FAM184A: variants seen among roughly 807,000 people sequenced by gnomAD.
FAM184A encodes the protein family with sequence similarity 184 member A.
A neutral mutation model predicts 143.8 loss-of-function variants in FAM184A; 99 were observed. That is an observed-to-expected ratio of 0.69 (90% CI 0.58 to 0.81). The LOEUF (loss-of-function observed/expected upper bound fraction) is 0.81. Among genes scored for constraint, FAM184A ranks in the 40% least tolerant of loss-of-function variants. The pLI, the probability that FAM184A is intolerant of heterozygous loss-of-function variation, is 0.00. For missense variants in FAM184A, 1,217 were observed against 1,310.5 expected, an observed-to-expected ratio of 0.93 and a Z score of 1.10; for synonymous variants, 427 against 446.4, an observed-to-expected ratio of 0.96 and a Z score of 0.55.
At chr6:119,146,937 G>T (rs1772458196) in intron 1 of FAM184A, among the ~76,000 whole-genome samples, 1 of 151,884 alleles carries the variant, frequency 6.6e-6, no homozygotes, top group Admixed American at 6.6e-5. Context: ...TATAGCTCTT[G>T]CCCTTTCCAC....
intron 9 of FAM184A, among the ~76,000 whole-genome samples, chr6:119,000,804 T>C (rs1784730969): frequency 6.6e-6 from 1 of 152,076 alleles, no homozygotes; most frequent in South Asian, 2.1e-4. Flanking sequence ...ACTCCTTTAA[T>C]ATCATGAATC....
chr6:119,051,093 A>G (rs1786745243), intron 1 of FAM184A, among the ~76,000 whole-genome samples: 1 of 151,896 alleles, frequency 6.6e-6, no homozygotes, highest in Admixed American at 6.6e-5. Context: ...AACACCTGTG[A>G]CATGAGATTA....
intron 1 of FAM184A, among the ~76,000 whole-genome samples, chr6:119,107,954 C>G (rs1000991159): frequency 6.6e-6 from 1 of 152,088 alleles, no homozygotes; most frequent in Non-Finnish European, 1.5e-5. Flanking sequence ...TAGGTGACAA[C>G]ATTCTTTACA....
chr6:119,074,478 T>C (rs1174302294), intron 1 of FAM184A, among the ~76,000 whole-genome samples: 1 of 152,150 alleles, frequency 6.6e-6, no homozygotes, highest in Non-Finnish European at 1.5e-5. Flanking sequence ...ACTTTGTTAC[T>C]GAAGGATGAT....
intron 1 of FAM184A, among the ~76,000 whole-genome samples, chr6:119,106,298 G>A (rs1271526574): frequency 2.7e-5 from 3 of 109,198 alleles, no homozygotes; most frequent in East Asian, 1.0e-3. Context: ...AGGCTGAGAC[G>A]GGAGAATGGC....
chr6:119,147,068 TTTTTTTTTTTG>T (rs1342993918), intron 1 of FAM184A, among the ~76,000 whole-genome samples: 3 of 123,576 alleles, frequency 2.4e-5, no homozygotes, highest in African/African-American at 9.1e-5. Context: ...GGCTCTGTTT[TTTTTTTTTTTG>T]TTTTTTTGTC....
At chr6:119,127,530 C>A (rs1397603774) in intron 1 of FAM184A, among the ~76,000 whole-genome samples, 1 of 152,174 alleles carries the variant, frequency 6.6e-6, no homozygotes, top group African/African-American at 2.4e-5. Flanking sequence ...TAGAAAGAGA[C>A]TTTGCCCAAG....
intron 1 of FAM184A, among the ~76,000 whole-genome samples, chr6:119,139,722 G>A (rs1018662632): frequency 6.6e-6 from 1 of 151,876 alleles, no homozygotes; most frequent in South Asian, 2.1e-4. Context: ...CATTGTCAGG[G>A]TCCAGGCTGT....
chr6:119,141,524 G>T (rs556602571), intron 1 of FAM184A, among the ~76,000 whole-genome samples: 6 of 151,900 alleles, frequency 3.9e-5, no homozygotes, highest in Non-Finnish European at 2.9e-5. Context: ...TGGTTCTGTC[G>T]CCCAGGCAGT....
At chr6:119,110,647 G>C (rs539519195) in intron 1 of FAM184A, among the ~76,000 whole-genome samples, 16 of 152,202 alleles carry the variant, frequency 1.1e-4, no homozygotes, top group Non-Finnish European at 2.2e-4. Context: ...GATGTGGCAA[G>C]ATTATGAATG....
At chr6:118,979,626 G>T in intron 10 of FAM184A, 108 bp from the exon 11 acceptor site, 2 of 854,536 alleles carry the variant, frequency 2.3e-6, no homozygotes, top group Non-Finnish European at 3.5e-6. Context: ...AATACAAAAT[G>T]TTTTAGGTTC....
chr6:119,106,077 A>G (rs575201364), intron 1 of FAM184A, among the ~76,000 whole-genome samples: 3 of 152,240 alleles, frequency 2.0e-5, no homozygotes, highest in African/African-American at 7.2e-5. Flanking sequence ...GGATACTGCT[A>G]GGAAAAGAAA....
intron 14 of FAM184A, among the ~76,000 whole-genome samples, chr6:118,970,013 T>A (rs1170592792): frequency 3.3e-5 from 2 of 61,474 alleles, no homozygotes; most frequent in African/African-American, 1.2e-4. Context: ...TATATATTTT[T>A]TTTTTTTTGA....
chr6:119,128,937 A>G (rs1170825397), intron 1 of FAM184A, among the ~76,000 whole-genome samples: 1 of 151,892 alleles, frequency 6.6e-6, no homozygotes, highest in African/African-American at 2.4e-5. Flanking sequence ...AATAAAAAAC[A>G]CTGTCTATTC....
Position 119,078,257 on chromosome 6 carries a change from C to A in FAM184A, c.43G>T (p.Gly15Cys). ...GMSWQQHYYG[G>C]SAAKFAPSPA... ...GAGGGCGCGAATTTGGCCGCCGAGC[C>A]GCCGTAATAGTGCTGCTGCCAGCTC... The change falls in exon 1 of 18, where the codon GGC becomes TGC. Residue 15 changes from glycine to cysteine, a missense_variant. By Grantham distance (159) the Gly-to-Cys change is radical. Transcript: ENST00000338891. The surrounding 1 kb of genome is among the most constrained non-coding windows in gnomAD (Gnocchi z 5.5). The A allele has an allele frequency of 6.5e-7, 1 of 1,536,950 alleles. No homozygotes were observed. The highest frequency in any genetic ancestry group is 8.7e-7 in the Non-Finnish European group (1 of 1,145,546).
At chr6:119,148,073 T>G (rs1417571215) in intron 1 of FAM184A, among the ~76,000 whole-genome samples, 1 of 152,212 alleles carries the variant, frequency 6.6e-6, no homozygotes, top group Non-Finnish European at 1.5e-5. Context: ...ATAACCTGCT[T>G]ACTGTCAACC....
intron 1 of FAM184A, among the ~76,000 whole-genome samples, chr6:119,099,151 C>T (rs1276952907): frequency 6.6e-6 from 1 of 152,110 alleles, no homozygotes; most frequent in Non-Finnish European, 1.5e-5. Flanking sequence ...AAAAGCTTCC[C>T]GGAGGGGCGC....
chr6:119,119,484 A>C (rs1269023573), intron 1 of FAM184A, among the ~76,000 whole-genome samples: 1 of 152,192 alleles, frequency 6.6e-6, no homozygotes, highest in Admixed American at 6.5e-5. Flanking sequence ...GCCAGTGCTT[A>C]GGGAAAATAG....
chr6:119,080,154 GC>G (rs1411997814), upstream of FAM184A, among the ~76,000 whole-genome samples: 2 of 152,164 alleles, frequency 1.3e-5, no homozygotes, highest in African/African-American at 2.4e-5. Context: ...AATTTGTATA[GC>G]CAAGTCTTGC....
Sources: gnomAD v4.1 joint callset for allele counts (sites outside exome capture counted in the v4.1 genomes callset) on GRCh38, gnomAD v4.1.1 for gene constraint, Gnocchi (gnomAD v3.1) non-coding constraint, MANE v1.5 for transcripts, NCBI Gene and HGNC (gene_info 2026-07-23, HGNC 2026-07-21) for gene names.